ADCY6: variants seen among roughly 807,000 people sequenced by gnomAD.
ADCY6 encodes the protein adenylate cyclase 6, also known as adenylate cyclase type 6.
ADCY6 carries 59 observed loss-of-function variants against 111.6 expected under a neutral mutation model. The observed-to-expected ratio is 0.53, with a 90% CI of 0.43 to 0.66. ADCY6 has a LOEUF of 0.66. Among genes scored for constraint, ADCY6 ranks in the 30% least tolerant of loss-of-function variants. The pLI, the probability that ADCY6 is intolerant of heterozygous loss-of-function variation, is 0.00. For missense variants in ADCY6, 1,242 were observed against 1,595.6 expected, an observed-to-expected ratio of 0.78 and a Z score of 3.78; for synonymous variants, 576 against 642.9, an observed-to-expected ratio of 0.90 and a Z score of 1.57.
chr12:48,776,153 C>T lies in ADCY6; in HGVS notation c.1677+56G>A. 2 of 1,613,888 alleles carry T rather than the reference C, an allele frequency of 1.2e-6. No homozygotes were observed. The highest frequency in any genetic ancestry group is 2.2e-5 in the South Asian group (2 of 91,078). ...GCCCAGAGGAGGCCTTGGCCTGCTC[C>T]TCCCCATTTGTCCCTCTTCTTGCTC... is the stretch of plus-strand genomic sequence containing the variant. On this transcript the variant is annotated intron_variant, in intron 8 of 21. Transcript: ENST00000357869. The surrounding 1 kb of genome is among the most constrained non-coding windows in gnomAD (Gnocchi z 6.1).
rs1377584459 is a variant in ADCY6, at chr12:48,766,571, A to C, written c.*2020T>G. On this transcript the variant is annotated 3_prime_UTR_variant, in exon 22 of 22. Coordinates refer to ENST00000357869, the MANE Select transcript of ADCY6 (RefSeq NM_015270.5). ...GATATGGCTGGGGACAGGGGAGTAG[A>C]TTTTCTGTCTGGAAAACAAGTCTTT... 1.3e-5 allele frequency: 2 copies of C among 152,630 alleles called. No homozygotes were observed. Among genetic ancestry groups the C allele is most frequent in the Non-Finnish European group, 2.9e-5 (2 of 68,080 alleles). The allele number at this position is 152,630 out of a possible 1,614,324, so 9.5% of individuals were successfully genotyped here.
In ADCY6 at chr12:48,783,009, C is replaced by T; in HGVS notation, c.426G>A (p.Arg142=). The T allele has an allele frequency of 6.2e-7, 1 of 1,613,740 alleles. No homozygotes were observed. Among genetic ancestry groups the T allele is most frequent in the Non-Finnish European group, 8.5e-7 (1 of 1,179,922 alleles). ...TGCTCTGGTTCATCTGGAAGAAGTA[C>T]CGCTGGTACAGGCGCTCCAGCTTGG... is the stretch of plus-strand genomic sequence containing the variant. ...RSAKLERLYQ[R]YFFQMNQSSL... is the part of the protein sequence containing the mutation. The change falls in exon 2 of 22, where the codon CGG becomes CGA. Residue 142 remains arginine, a synonymous_variant. Coordinates refer to ENST00000357869, the MANE Select transcript of ADCY6 (RefSeq NM_015270.5).
intron 20 of ADCY6, among the ~76,000 whole-genome samples, chr12:48,770,063 AT>A (rs35784184): frequency 0.025 from 2,829 of 112,872 alleles, 62 homozygotes; most frequent in African/African-American, 0.08. Context: ...GCCCGGCCTA[AT>A]TTTTTTTTTT....
Position 48,768,534 on chromosome 12 carries a change from C to A in ADCY6, c.*57G>T. ...CTGCCACAGCTCCACCCAGTGAGCA[C>A]AGAGTCCACTCAATGCCCACCTTGG... is the stretch of plus-strand genomic sequence containing the variant. On this transcript the variant is annotated 3_prime_UTR_variant, in exon 22 of 22. Coordinates refer to ENST00000357869, the MANE Select transcript of ADCY6 (RefSeq NM_015270.5). 6.2e-7 allele frequency: 1 copy of A among 1,613,036 alleles called. No individual in the cohort carries two copies. Among genetic ancestry groups the A allele is most frequent in the Admixed American group, 1.7e-5 (1 of 60,014 alleles).
chr12:48,788,100 G>A (rs61943201), intron 1 of ADCY6, among the ~76,000 whole-genome samples: 1 of 152,108 alleles, frequency 6.6e-6, no homozygotes, highest in African/African-American at 2.4e-5. Flanking sequence ...CACCATACTC[G>A]GACATGGGCC....
In ADCY6 at chr12:48,782,943, C is replaced by T. The variant is rs772140547; in HGVS notation, c.492G>A (p.Ala164=). The stretch of plus-strand genomic sequence containing the variant: ...GTGCGGCGTGGAAAGCCAGCAGCAC[C>T]GCTGTGAGCAGCACCAGCACCGCCA... ...LLMAVLVLLT[A]VLLAFHAAPA... The change falls in exon 2 of 22, where the codon GCG becomes GCA. Residue 164 remains alanine (A), a synonymous_variant. Coordinates refer to ENST00000357869, the MANE Select transcript of ADCY6 (RefSeq NM_015270.5). The surrounding 1 kb of genome is among the most constrained non-coding windows in gnomAD (Gnocchi z 4.3). 36 of 1,613,296 alleles carry T rather than the reference C, an allele frequency of 2.2e-5. No individual in the cohort carries two copies. The Admixed American group carries it at 4.5e-4, about 20-fold the overall frequency.
At chr12:48,785,159 G>A (rs1351890033) in intron 1 of ADCY6, among the ~76,000 whole-genome samples, 2 of 152,016 alleles carry the variant, frequency 1.3e-5, no homozygotes, top group Non-Finnish European at 2.9e-5. Flanking sequence ...CTTTTTCCCA[G>A]CTTTATGCTT....
chr12:48,783,526 G>A, intron 1 of ADCY6, 88 bp from the exon 2 acceptor site: 1 of 1,584,366 alleles, frequency 6.3e-7, no homozygotes, highest in Non-Finnish European at 8.6e-7. Context: ...ACCACTAGTA[G>A]CTCATTACCT....
At chr12:48,784,406 C>T (rs778438491) in intron 1 of ADCY6, among the ~76,000 whole-genome samples, 17 of 151,962 alleles carry the variant, frequency 1.1e-4, no homozygotes, top group South Asian at 6.2e-4. Flanking sequence ...AGTGAGAGAA[C>T]CACGATTCTA....
Position 48,775,038 on chromosome 12 carries a change from T to C in ADCY6, c.1997A>G (p.Asp666Gly). 6.4e-7 allele frequency: 1 copy of C among 1,555,726 alleles called. No homozygotes were observed. The highest frequency in any genetic ancestry group is 8.7e-7 in the Non-Finnish European group (1 of 1,149,260). ...GGCAACGTAGGCTCCGAAGCGGGGA[T>C]CCACCTTCCGGGAGTACTGAGGGAG... ...DLEKKYSRKV[D>G]PRFGAYVACA... is the part of the protein sequence containing the mutation. Residue 666 changes from aspartate (D) to glycine (G), a missense_variant, in exon 12 of 22, where the codon GAT (aspartate) becomes GGT (glycine). Asp to Gly is a moderately conservative substitution (Grantham distance 94, BLOSUM62 -1). Around this residue, in one of 4 missense-constraint regions of ADCY6, gnomAD observed 375 missense variants for 432.5 expected, o/e 0.87. Coordinates refer to ENST00000357869, the MANE Select transcript of ADCY6 (RefSeq NM_015270.5).
Position 48,768,552 on chromosome 12 carries a change from C to T in ADCY6, c.*39G>A. 1 of 1,614,140 alleles carries T rather than the reference C, an allele frequency of 6.2e-7. No individual in the cohort carries two copies. Among genetic ancestry groups the T allele is most frequent in the Non-Finnish European group, 8.5e-7 (1 of 1,180,010 alleles). ...GTGAGCACAGAGTCCACTCAATGCC[C>T]ACCTTGGTCCCTTCAGCTGAATTTG... On this transcript the variant is annotated 3_prime_UTR_variant, in exon 22 of 22. Transcript: ENST00000357869.
chr12:48,770,629 T>G, intron 20 of ADCY6, 137 bp downstream of exon 20: 1 of 806,046 alleles, frequency 1.2e-6, no homozygotes, highest in Non-Finnish European at 2.0e-6. Context: ...AATATCAGAC[T>G]TGATATAGGA....
chr12:48,789,643 G>A (rs1217649127), upstream of ADCY6: 4 of 151,952 alleles, frequency 2.6e-5, no homozygotes, highest in Admixed American at 6.5e-5. Flanking sequence ...CCCTCCCGCG[G>A]GAACTCAGTT....
chr12:48,769,952 G>A (rs1314738441), intron 20 of ADCY6, among the ~76,000 whole-genome samples: 6 of 151,810 alleles, frequency 4.0e-5, no homozygotes, highest in Admixed American at 2.0e-4. Context: ...TAGTAGAGAC[G>A]GAATTTCACC....
intron 2 of ADCY6, among the ~76,000 whole-genome samples, chr12:48,781,259 TGGA>T (rs1299242679): frequency 6.7e-6 from 1 of 150,210 alleles, no homozygotes; most frequent in African/African-American, 2.5e-5. Context: ...ACAGGCTGGG[TGGA>T]GAAGGGCATC....
At chr12:48,785,437 T>C (rs1592166671) in intron 1 of ADCY6, among the ~76,000 whole-genome samples, 1 of 152,228 alleles carries the variant, frequency 6.6e-6, no homozygotes, top group East Asian at 1.9e-4. Context: ...CGGACCAACA[T>C]GGTGAAACCC....
At position 48,777,581 on chromosome 12, in the gene ADCY6, C is replaced by G. The variant is rs201562352; in HGVS notation, c.1136+34G>C. ...AGCCCTCAAAGACTTCCAGACCCCC[C>G]GCCCTGCTGGGCATCCTCCTACCCT... On this transcript the variant is annotated intron_variant, in intron 4 of 21. Transcript: ENST00000357869. This position sits in a 1 kb window ranked among gnomAD's most constrained non-coding sequence, Gnocchi z 4.9. 4 of 1,612,732 alleles carry G rather than the reference C, an allele frequency of 2.5e-6. No homozygotes were observed. Among genetic ancestry groups the G allele is most frequent in the African/African-American group, 2.7e-5 (2 of 73,900 alleles).
chr12:48,773,812 T>C (rs182660893), intron 15 of ADCY6, 128 bp downstream of exon 15: 2 of 1,445,564 alleles, frequency 1.4e-6, no homozygotes, highest in Admixed American at 2.0e-5. Flanking sequence ...CCAGGGCCCC[T>C]GGTTGCTCCT....
chr12:48,775,190 G>A, intron 11 of ADCY6, 113 bp downstream of exon 11: 1 of 1,513,626 alleles, frequency 6.6e-7, no homozygotes, highest in East Asian at 2.3e-5. Flanking sequence ...ACCCTGCTCT[G>A]TGGTCCCTTC....
Sources: gnomAD v4.1 joint callset for allele counts (sites outside exome capture counted in the v4.1 genomes callset) on GRCh38, gnomAD v4.1.1 for gene constraint, gnomAD v4.1.1 regional missense constraint, Gnocchi (gnomAD v3.1) non-coding constraint, MANE v1.5 for transcripts, NCBI Gene and HGNC (gene_info 2026-07-23, HGNC 2026-07-21) for gene names.